FARP2: variants seen among roughly 807,000 people sequenced by gnomAD.
The protein encoded by FARP2 is FERM, ARHGEF and pleckstrin domain-containing protein 2.
FARP2 carries 111 observed loss-of-function variants against 130.5 expected under a neutral mutation model. The ratio of observed to expected loss-of-function variants is 0.85; its 90% CI spans 0.73 to 1.00. The LOEUF (loss-of-function observed/expected upper bound fraction) is 1.00. FARP2 is among the 50% of genes least tolerant of loss of function. The probability of loss-of-function intolerance (pLI) is 0.00; values close to 1 mark genes in which losing one functional copy is unlikely to be tolerated. For synonymous variants in FARP2, 504 were observed against 516.9 expected, an observed-to-expected ratio of 0.98 and a Z score of 0.34; for missense variants, 1,385 against 1,346.3, an observed-to-expected ratio of 1.03 and a Z score of -0.45.
chr2:241,456,697 C>T (rs2063847364), intron 13 of FARP2, 50 bp from the exon 14 acceptor site: 1 of 1,592,926 alleles, frequency 6.3e-7, no homozygotes, highest in Non-Finnish European at 8.6e-7. Context: ...AAGCCAGCCT[C>T]ACAGCCCTTT....
intron 8 of FARP2, among the ~76,000 whole-genome samples, chr2:241,425,745 T>C (rs1448560338): frequency 1.4e-5 from 2 of 143,452 alleles, no homozygotes; most frequent in African/African-American, 2.7e-5. Flanking sequence ...CTCTCTCTTT[T>C]TTTTTTTTTT....
chr2:241,490,320 TC>T (rs1296022595), intron 22 of FARP2, among the ~76,000 whole-genome samples: 1 of 152,078 alleles, frequency 6.6e-6, no homozygotes, highest in Non-Finnish European at 1.5e-5. Flanking sequence ...TCACAGTGCC[TC>T]CAAAGACAGG....
intron 13 of FARP2, chr2:241,447,291 C>T (rs1463086525): frequency 3.3e-5 from 5 of 152,216 alleles, no homozygotes; most frequent in African/African-American, 1.2e-4. Flanking sequence ...GAGCAAGAAA[C>T]AGGGAACAGG....
chr2:241,456,434 A>G (rs974082783), intron 13 of FARP2: 7 of 254,354 alleles, frequency 2.8e-5, no homozygotes, highest in African/African-American at 1.1e-4. Flanking sequence ...TCATAGTTAC[A>G]TATTCTGCAG....
intron 2 of FARP2, among the ~76,000 whole-genome samples, chr2:241,391,042 C>G (rs2061892623): frequency 6.6e-6 from 1 of 152,168 alleles, no homozygotes; most frequent in East Asian, 1.9e-4. Context: ...GGTGGGGACG[C>G]TGACAGACAC....
At chr2:241,421,658 A>C (rs1331284784) in intron 8 of FARP2, among the ~76,000 whole-genome samples, 4 of 152,156 alleles carry the variant, frequency 2.6e-5, no homozygotes, top group Non-Finnish European at 4.4e-5. Flanking sequence ...GTTCCTCCTG[A>C]CTGGGTGAGC....
At chr2:241,453,297 T>C (rs187393472) in intron 13 of FARP2, among the ~76,000 whole-genome samples, 1 of 151,722 alleles carries the variant, frequency 6.6e-6, no homozygotes, top group Non-Finnish European at 1.5e-5. Flanking sequence ...GCTACTGCAC[T>C]CCAACCTGGG....
chr2:241,470,426 C>T (rs771262336), intron 18 of FARP2, among the ~76,000 whole-genome samples: 4 of 151,042 alleles, frequency 2.6e-5, no homozygotes, highest in Non-Finnish European at 5.9e-5. Flanking sequence ...GGGATGCGCT[C>T]TGAAGGGATC....
At chr2:241,357,979 C>T (rs1691937979) in intron 1 of FARP2, among the ~76,000 whole-genome samples, 1 of 152,212 alleles carries the variant, frequency 6.6e-6, no homozygotes, top group African/African-American at 2.4e-5. Flanking sequence ...TGCATGAGCT[C>T]AGGGGTTCCA....
intron 13 of FARP2, among the ~76,000 whole-genome samples, chr2:241,455,735 C>CTTTTTTTTTTTTTTTTTT (rs1180839402): frequency 1.1e-5 from 1 of 94,802 alleles, no homozygotes; most frequent in Non-Finnish European, 2.1e-5. Flanking sequence ...CTAAAGTTTT[C>CTTTTTTTTTTTTTTTTTT]TTTTTTTTTT....
chr2:241,456,726 C>T (rs1467594197), intron 13 of FARP2, 21 bp from the exon 14 acceptor site: 1 of 1,613,588 alleles, frequency 6.2e-7, no homozygotes, highest in South Asian at 1.1e-5. Context: ...TCGCTCCATC[C>T]CCCTCCCCGT....
Position 241,418,085 on chromosome 2 carries a change from C to T in FARP2, c.747C>T (p.Ser249=), listed in dbSNP as rs893925424. ...GAACCAAGATTCAACTGGCAGTTTC[C>T]CACATGGGTGTACTCGTGTTCCAGG... ...REGTKIQLAV[S]HMGVLVFQGT... is the part of the protein sequence containing the mutation. Residue 249 remains serine, a synonymous_variant, in exon 8 of 27, where the codon TCC becomes TCT. Coordinates refer to ENST00000264042, the MANE Select transcript of FARP2 (RefSeq NM_014808.4). 4 of 1,614,144 alleles carry T rather than the reference C, an allele frequency of 2.5e-6. No individual in the cohort carries two copies. The South Asian group carries it at 3.3e-5, about 13-fold the overall frequency.
At chr2:241,393,257 T>G (rs939286527) in intron 2 of FARP2, among the ~76,000 whole-genome samples, 4 of 152,006 alleles carry the variant, frequency 2.6e-5, no homozygotes, top group Admixed American at 6.6e-5. Flanking sequence ...TGAGCTCAGG[T>G]GATCCACCCG....
intron 8 of FARP2, 116 bp from the exon 9 acceptor site, chr2:241,431,563 T>G (rs1162728325): frequency 1.6e-6 from 1 of 634,708 alleles, no homozygotes; most frequent in African/African-American, 1.9e-5. Flanking sequence ...GATATAATGG[T>G]AAAATGCCAA....
chr2:241,457,851 G>A lies in FARP2; in HGVS notation c.1587+929G>A, dbSNP rs563634803. The stretch of plus-strand genomic sequence containing the variant: ...AGACCCCGTGTCGATGTTGGAGACA[G>A]TGGAGGAGCCACCTGGGGCGAGGGG... On this transcript the variant is annotated intron_variant, in intron 14 of 26. Transcript: ENST00000264042. Among the ~76,000 whole-genome samples the A allele has an allele frequency of 2.0e-5, 3 of 152,344 alleles. No homozygotes were observed. The East Asian group carries it at 5.8e-4, about 29-fold the overall frequency.
chr2:241,478,303 A>G (rs905095764), intron 19 of FARP2: 9 of 186,208 alleles, frequency 4.8e-5, no homozygotes, highest in Non-Finnish European at 9.9e-5. Flanking sequence ...CTGTCTCAGA[A>G]AAAAAGGAAT....
intron 21 of FARP2, among the ~76,000 whole-genome samples, chr2:241,484,823 C>T (rs1462031547): frequency 6.6e-6 from 1 of 152,178 alleles, no homozygotes; most frequent in Non-Finnish European, 1.5e-5. Flanking sequence ...AAATACTGTT[C>T]TCAGGTCATG....
intron 9 of FARP2, among the ~76,000 whole-genome samples, chr2:241,433,547 G>T (rs2063144887): frequency 3.3e-5 from 5 of 152,180 alleles, no homozygotes; most frequent in Admixed American, 3.3e-4. Context: ...AAATATGTCA[G>T]TTGGCATGAA....
chr2:241,399,670 T>G (rs1383869624), intron 2 of FARP2, among the ~76,000 whole-genome samples: 1 of 152,216 alleles, frequency 6.6e-6, no homozygotes, highest in Admixed American at 6.5e-5. Flanking sequence ...TTTTCCTATC[T>G]TAACAGTGTC....
Sources: gnomAD v4.1 joint callset for allele counts (sites outside exome capture counted in the v4.1 genomes callset) on GRCh38, gnomAD v4.1.1 for gene constraint, MANE v1.5 for transcripts, NCBI Gene and HGNC (gene_info 2026-07-23, HGNC 2026-07-21) for gene names.